SCFD2: variants seen among roughly 807,000 people sequenced by gnomAD.
The protein encoded by SCFD2 is sec1 family domain-containing protein 2.
In SCFD2, 54 loss-of-function variants were observed where a neutral mutation model predicts 58.9. The ratio of observed to expected loss-of-function variants is 0.92; its 90% CI spans 0.74 to 1.15. The LOEUF (loss-of-function observed/expected upper bound fraction) is 1.15, where lower values mean the gene tolerates loss of function less well. Ranked by LOEUF, SCFD2 falls within the 50% of genes most tolerant of loss-of-function variation. SCFD2 has a pLI of 0.00. For missense variants in SCFD2, 805 were observed against 836.6 expected, an observed-to-expected ratio of 0.96 and a Z score of 0.47; for synonymous variants, 321 against 335.9, an observed-to-expected ratio of 0.96 and a Z score of 0.49.
intron 5 of SCFD2, among the ~76,000 whole-genome samples, chr4:53,066,992 A>T (rs1484465023): frequency 6.6e-6 from 1 of 152,096 alleles, no homozygotes; most frequent in Admixed American, 6.6e-5. Context: ...AGAGCTGGGC[A>T]TGCACTTATG....
intron 4 of SCFD2, among the ~76,000 whole-genome samples, chr4:53,226,303 T>TG (rs1368849993): frequency 1.3e-5 from 2 of 152,064 alleles, no homozygotes; most frequent in Non-Finnish European, 2.9e-5. Flanking sequence ...ATTATTTTTA[T>TG]GGGGGGGAGG....
intron 3 of SCFD2, among the ~76,000 whole-genome samples, chr4:53,291,543 T>A (rs756318835): frequency 6.6e-6 from 1 of 151,986 alleles, no homozygotes; most frequent in Admixed American, 6.6e-5. Flanking sequence ...AAAATGTCCA[T>A]ACTGCCCAAA....
intron 3 of SCFD2, among the ~76,000 whole-genome samples, chr4:53,278,224 G>A (rs1381006853): frequency 1.3e-5 from 2 of 151,876 alleles, no homozygotes; most frequent in Admixed American, 6.6e-5. Context: ...AATATTAGCC[G>A]GGAGTGGTGG....
chr4:53,248,943 A>C (rs1730233409), intron 4 of SCFD2, among the ~76,000 whole-genome samples: 1 of 152,218 alleles, frequency 6.6e-6, no homozygotes, highest in Admixed American at 6.5e-5. Flanking sequence ...CAACGGAACA[A>C]AGCTGGACGG....
chr4:53,146,143 G>A (rs1726324169), intron 4 of SCFD2, among the ~76,000 whole-genome samples: 1 of 152,068 alleles, frequency 6.6e-6, no homozygotes, highest in African/African-American at 2.4e-5. Context: ...GTCACTTAGG[G>A]TTCAAAATTT....
At chr4:53,005,607 G>T (rs764809063) in intron 5 of SCFD2, among the ~76,000 whole-genome samples, 17 of 152,138 alleles carry the variant, frequency 1.1e-4, no homozygotes, top group Non-Finnish European at 2.1e-4. Flanking sequence ...TGGGAAAGAT[G>T]ATTCATTTTC....
At chr4:53,289,848 A>G (rs985869474) in intron 3 of SCFD2, among the ~76,000 whole-genome samples, 4 of 152,218 alleles carry the variant, frequency 2.6e-5, no homozygotes, top group Admixed American at 2.6e-4. Context: ...ATACTTAGAT[A>G]AAATAGACTT....
At chr4:53,200,267 C>A (rs1249903571) in intron 4 of SCFD2, among the ~76,000 whole-genome samples, 2 of 151,928 alleles carry the variant, frequency 1.3e-5, no homozygotes, top group Non-Finnish European at 2.9e-5. Context: ...TCCTTTAAAC[C>A]AGGATATAAG....
rs573266165 is a variant in SCFD2 at position 52,963,957 on chromosome 4, T to C, written c.1562-43087A>G. 5.6e-4 allele frequency among the ~76,000 whole-genome samples: 86 copies of C among 152,304 alleles called. 1 individual carries two copies. In the South Asian group the frequency reaches 5.8e-3, roughly 10 times the overall value. The stretch of plus-strand genomic sequence containing the variant: ...AGAGATGCCTAAGAAAAATTACACA[T>C]GAGAATGAAGGACTAGTCATACATT... On this transcript the variant is annotated intron_variant, in intron 5 of 8. Coordinates refer to ENST00000401642, the MANE Select transcript of SCFD2 (RefSeq NM_152540.4).
chr4:53,100,459 G>T (rs751051201), intron 5 of SCFD2, among the ~76,000 whole-genome samples: 7 of 152,046 alleles, frequency 4.6e-5, no homozygotes, highest in Non-Finnish European at 7.4e-5. Context: ...GGATAGAAAT[G>T]GTTTCATAAC....
In SCFD2 at chr4:53,085,432, T is replaced by C. The variant is rs537425088; in HGVS notation, c.1561+59901A>G. Among the ~76,000 whole-genome samples the C allele has an allele frequency of 1.8e-4, 27 of 152,258 alleles. No individual in the cohort carries two copies. In the East Asian group the frequency reaches 3.5e-3, roughly 20 times the overall value. ...ATTTCCTGTTCGTGGACTAGAAGAA[T>C]CAATATTGTTAGTATGTCCATACTA... is the stretch of plus-strand genomic sequence containing the variant. On this transcript the variant is annotated intron_variant, in intron 5 of 8. Transcript: ENST00000401642.
At chr4:53,279,276 T>C (rs1263752155) in intron 3 of SCFD2, among the ~76,000 whole-genome samples, 1 of 152,236 alleles carries the variant, frequency 6.6e-6, no homozygotes, top group East Asian at 1.9e-4. Flanking sequence ...AGTTAGGCTT[T>C]ATTTTTCTTT....
chr4:53,177,803 C>A (rs544552815), intron 4 of SCFD2, among the ~76,000 whole-genome samples: 5 of 152,206 alleles, frequency 3.3e-5, no homozygotes, highest in Non-Finnish European at 7.3e-5. Flanking sequence ...CACTCCCACC[C>A]TAATACTGCA....
chr4:53,123,512 C>A (rs984910631), intron 5 of SCFD2, among the ~76,000 whole-genome samples: 1 of 110,348 alleles, frequency 9.1e-6, no homozygotes, highest in South Asian at 3.1e-4. Flanking sequence ...GGTTACCTTG[C>A]TGCTAACATG....
intron 5 of SCFD2, among the ~76,000 whole-genome samples, chr4:53,022,214 C>T (rs1295631999): frequency 1.3e-5 from 2 of 152,272 alleles, no homozygotes; most frequent in Middle Eastern, 3.4e-3. Context: ...TAAAAAGGAA[C>T]AAACATGGAA....
intron 5 of SCFD2, among the ~76,000 whole-genome samples, chr4:52,926,192 T>C (rs1719859066): frequency 1.3e-5 from 2 of 152,056 alleles, no homozygotes; most frequent in Non-Finnish European, 2.9e-5. Flanking sequence ...TTCTCTTCTG[T>C]TTGGTTCTCT....
intron 3 of SCFD2, among the ~76,000 whole-genome samples, chr4:53,301,443 T>C (rs1331315065): frequency 2.0e-5 from 3 of 151,732 alleles, no homozygotes; most frequent in Non-Finnish European, 4.4e-5. Flanking sequence ...GGCTCTGAAA[T>C]TGAGGCAATA....
At chr4:52,951,550 T>A (rs1197099528) in intron 5 of SCFD2, among the ~76,000 whole-genome samples, 1 of 152,204 alleles carries the variant, frequency 6.6e-6, no homozygotes, top group African/African-American at 2.4e-5. Context: ...GGGGATGTGT[T>A]GTGGCAGAAG....
chr4:53,177,299 C>T (rs913311140), intron 4 of SCFD2, among the ~76,000 whole-genome samples: 2 of 152,152 alleles, frequency 1.3e-5, no homozygotes, highest in Non-Finnish European at 2.9e-5. Flanking sequence ...TACAGTAATA[C>T]ATGCTTGGGG....
Sources: gnomAD v4.1 joint callset for allele counts (sites outside exome capture counted in the v4.1 genomes callset) on GRCh38, gnomAD v4.1.1 for gene constraint, MANE v1.5 for transcripts, NCBI Gene and HGNC (gene_info 2026-07-23, HGNC 2026-07-21) for gene names.